GABRB3: variants seen among roughly 807,000 people sequenced by gnomAD.
The protein encoded by GABRB3 is gamma-aminobutyric acid type A receptor subunit beta3.
Under a neutral mutation model 52.1 loss-of-function variants are expected in GABRB3, and 14 were observed. The ratio of observed to expected loss-of-function variants is 0.27; its 90% confidence interval spans 0.18 to 0.42. The LOEUF (loss-of-function observed/expected upper bound fraction) is 0.42, where lower values mean the gene tolerates loss of function less well. GABRB3 is among the 10% of genes least tolerant of loss of function. GABRB3 has a pLI of 1.00. For missense variants in GABRB3, 307 were observed against 609.1 expected, an observed-to-expected ratio of 0.50 and a Z score of 5.22; for synonymous variants, 260 against 232.3, an observed-to-expected ratio of 1.12 and a Z score of -1.08.
chr15:26,544,368 A>G lies in GABRB3; in HGVS notation c.*3425T>C, dbSNP rs1246155040. The G allele has an allele frequency of 6.6e-6, 1 of 152,626 alleles. No individual in the cohort carries two copies. Among genetic ancestry groups the G allele is most frequent in the Non-Finnish European group, 1.5e-5 (1 of 68,042 alleles). 9.5% of individuals were successfully genotyped at this position (152,626 alleles called of 1,614,324 possible). A position where few individuals can be genotyped will look rare whatever the true frequency, so the allele number is the denominator to read the frequency against. On this transcript the variant is annotated 3_prime_UTR_variant, in exon 9 of 9. Transcript: ENST00000311550. ...TCACCTTTGAGATGATCTCCTCAGT[A>G]AAAATGTCAACGCTGTGTTTGGACA...
chr15:26,600,174 G>C lies in GABRB3; in HGVS notation c.462-16760C>G, dbSNP rs1326012883. Among the ~76,000 whole-genome samples the C allele has an allele frequency of 2.0e-5, 3 of 151,792 alleles. No individual in the cohort carries two copies. In the East Asian group the frequency reaches 5.8e-4, roughly 29 times the overall value. On this transcript the variant is annotated intron_variant, in intron 4 of 8. Transcript: ENST00000311550. ...CAGTAAGCTGGAAGACAAAATATTTGAAATTATCCAGTCAGATAAACAAGA... is the reference window on the plus strand; with the variant it reads ...CAGTAAGCTGGAAGACAAAATATTTCAAATTATCCAGTCAGATAAACAAGA...
intron 3 of GABRB3, among the ~76,000 whole-genome samples, chr15:26,719,352 C>A (rs1417760843): frequency 6.6e-6 from 1 of 152,204 alleles, no homozygotes; most frequent in African/African-American, 2.4e-5. Context: ...GGTTGGCACC[C>A]TCTACAAATG....
At chr15:26,702,325 C>A (rs1888964096) in intron 3 of GABRB3, among the ~76,000 whole-genome samples, 1 of 152,162 alleles carries the variant, frequency 6.6e-6, no homozygotes, top group Non-Finnish European at 1.5e-5. Flanking sequence ...TAGCGTATAT[C>A]TGATAAAGAG....
At chr15:26,643,146 C>T (rs1022224853) in intron 3 of GABRB3, among the ~76,000 whole-genome samples, 1 of 152,184 alleles carries the variant, frequency 6.6e-6, no homozygotes, top group Non-Finnish European at 1.5e-5. Flanking sequence ...CCAGCAAGAT[C>T]CTGTCCCTGT....
intron 3 of GABRB3, among the ~76,000 whole-genome samples, chr15:26,669,636 C>T (rs1236225475): frequency 3.9e-5 from 6 of 152,000 alleles, no homozygotes; most frequent in Non-Finnish European, 2.9e-5. Flanking sequence ...CCACCCCTCT[C>T]CTTTAACTTG....
chr15:26,617,504 G>GGGAC (rs1341341071), intron 4 of GABRB3, among the ~76,000 whole-genome samples: 1 of 152,146 alleles, frequency 6.6e-6, no homozygotes, highest in Non-Finnish European at 1.5e-5. Context: ...AGGTATTGAT[G>GGGAC]GGACGTATCT....
At chr15:26,642,376 T>C in intron 3 of GABRB3, 1 of 832,302 alleles carries the variant, frequency 1.2e-6, no homozygotes, top group Non-Finnish European at 1.7e-6. Flanking sequence ...GGGGTGGTCC[T>C]GGAACCAATC....
Position 26,735,021 on chromosome 15 carries a change from T to C in GABRB3, c.240+37381A>G, listed in dbSNP as rs552025436. 1.5e-4 allele frequency among the ~76,000 whole-genome samples: 23 copies of C among 152,324 alleles called. 1 individual carries two copies. The highest frequency in any genetic ancestry group is 1.2e-3 in the South Asian group (6 of 4,830). On this transcript the variant is annotated intron_variant, in intron 3 of 8. Transcript: ENST00000311550. ...TGATAAAGGATTGATATCCAGAATA[T>C]ATAGAAAACTCCTACAACTCAACAA...
chr15:26,752,201 T>C (rs1373413446), intron 3 of GABRB3, among the ~76,000 whole-genome samples: 1 of 151,948 alleles, frequency 6.6e-6, no homozygotes, highest in Non-Finnish European at 1.5e-5. Flanking sequence ...ACTCTCAAAA[T>C]TTCAGAATTG....
chr15:26,582,711 T>C (rs930368730), intron 5 of GABRB3, among the ~76,000 whole-genome samples: 12 of 152,210 alleles, frequency 7.9e-5, no homozygotes, highest in African/African-American at 2.7e-4. Context: ...AGTATAAATA[T>C]TGACAAGCCT....
chr15:26,752,553 G>A (rs59452508), intron 3 of GABRB3, among the ~76,000 whole-genome samples: 1,773 of 152,122 alleles, frequency 0.012, 28 homozygotes, highest in African/African-American at 0.041. Context: ...ATGAGCCACC[G>A]CGCCCGGCCC....
chr15:26,555,148 C>T (rs553842011), intron 8 of GABRB3, among the ~76,000 whole-genome samples: 2 of 152,274 alleles, frequency 1.3e-5, no homozygotes, highest in Non-Finnish European at 1.5e-5. Context: ...CGCGCCACTG[C>T]ACTCCAGCCT....
chr15:26,752,527 T>C (rs566875884), intron 3 of GABRB3, among the ~76,000 whole-genome samples: 1 of 152,158 alleles, frequency 6.6e-6, no homozygotes, highest in African/African-American at 2.4e-5. Flanking sequence ...CCTCCCAAAG[T>C]GCTGGGATTA....
chr15:26,690,971 C>T (rs954018137), intron 3 of GABRB3, among the ~76,000 whole-genome samples: 2 of 151,776 alleles, frequency 1.3e-5, no homozygotes. Flanking sequence ...CAAACCCCAG[C>T]TGATCCAGTC....
At chr15:26,631,074 A>G (rs569940648) in intron 3 of GABRB3, among the ~76,000 whole-genome samples, 2 of 152,340 alleles carry the variant, frequency 1.3e-5, no homozygotes, top group African/African-American at 4.8e-5. Flanking sequence ...CAAGGAAAGT[A>G]TTGCTGGACC....
chr15:26,712,580 AT>A (rs1043854062), intron 3 of GABRB3, among the ~76,000 whole-genome samples: 1 of 152,076 alleles, frequency 6.6e-6, no homozygotes, highest in Non-Finnish European at 1.5e-5. Context: ...CCAGAATCCT[AT>A]TGTGGACATT....
intron 7 of GABRB3, among the ~76,000 whole-genome samples, chr15:26,565,205 C>T (rs1257370831): frequency 2.7e-5 from 4 of 148,098 alleles, no homozygotes; most frequent in African/African-American, 8.0e-5. Flanking sequence ...TTACTCAGTG[C>T]TCCTGACACT....
chr15:26,733,090 C>T lies in GABRB3; in HGVS notation c.240+39312G>A, dbSNP rs541919960. On this transcript the variant is annotated intron_variant, in intron 3 of 8. Coordinates refer to ENST00000311550, the MANE Select transcript of GABRB3 (RefSeq NM_000814.6). Reference sequence around the variant, plus strand: ...TGAATTTTTCTTCTAAGATCAGGAACGAGGCAAGAAGGCCTGCTGTTTCCT... The same window carrying T: ...TGAATTTTTCTTCTAAGATCAGGAATGAGGCAAGAAGGCCTGCTGTTTCCT... Among the ~76,000 whole-genome samples, 8 of 152,042 alleles carry T rather than the reference C, an allele frequency of 5.3e-5. 1 individual carries two copies. The highest frequency in any genetic ancestry group is 2.0e-4 in the Admixed American group (3 of 15,270).
At chr15:26,745,862 A>G (rs1369160052) in intron 3 of GABRB3, among the ~76,000 whole-genome samples, 1 of 152,174 alleles carries the variant, frequency 6.6e-6, no homozygotes, top group East Asian at 1.9e-4. Context: ...TCACAATTTT[A>G]GTTTGTTTCC....
Sources: allele counts gnomAD v4.1 joint callset (sites outside exome capture counted in the v4.1 genomes callset), GRCh38; gene constraint gnomAD v4.1.1; transcripts MANE v1.5; gene names NCBI Gene and HGNC (gene_info 2026-07-23, HGNC 2026-07-21).